TRHDE: variants seen among roughly 807,000 people sequenced by gnomAD.
The protein encoded by TRHDE is thyrotropin-releasing hormone-degrading ectoenzyme.
A neutral mutation model predicts 125.7 loss-of-function variants in TRHDE; 72 were observed. The ratio of observed to expected loss-of-function variants is 0.57; its 90% confidence interval spans 0.47 to 0.70. The LOEUF is 0.70. TRHDE is among the 30% of genes least tolerant of loss of function. TRHDE has a pLI of 0.00. For missense variants in TRHDE, 1,110 were observed against 1,327.1 expected, an observed-to-expected ratio of 0.84 and a Z score of 2.54; for synonymous variants, 509 against 509.1, an observed-to-expected ratio of 1.00 and a Z score of 0.00.
intron 2 of TRHDE, among the ~76,000 whole-genome samples, chr12:72,324,958 C>A (rs985184927): frequency 1.3e-5 from 2 of 152,028 alleles, no homozygotes; most frequent in African/African-American, 4.8e-5. Flanking sequence ...TGATCATAAT[C>A]CTAAATGTAC....
chr12:72,534,480 A>G (rs1325401652), intron 6 of TRHDE, among the ~76,000 whole-genome samples: 1 of 152,076 alleles, frequency 6.6e-6, no homozygotes, highest in African/African-American at 2.4e-5. Context: ...AGAATGCTCA[A>G]AGAATGTACG....
intron 15 of TRHDE, among the ~76,000 whole-genome samples, chr12:72,632,189 T>C (rs929147136): frequency 2.6e-5 from 4 of 151,986 alleles, no homozygotes; most frequent in Non-Finnish European, 5.9e-5. Flanking sequence ...TGTTTCATTC[T>C]TATAATTTAT....
intron 1 of TRHDE, among the ~76,000 whole-genome samples, chr12:72,282,813 A>C (rs931559948): frequency 2.0e-5 from 3 of 152,196 alleles, no homozygotes; most frequent in African/African-American, 7.2e-5. Flanking sequence ...TGAGTTCTTT[A>C]AGCTAATGGT....
intron 2 of TRHDE, among the ~76,000 whole-genome samples, chr12:72,130,485 T>C (rs886994960): frequency 1.3e-5 from 2 of 152,194 alleles, no homozygotes; most frequent in Non-Finnish European, 2.9e-5. Flanking sequence ...AAGGATTGAT[T>C]ATTTAGAATA....
At chr12:72,130,014 G>T (rs866957668) in intron 2 of TRHDE, among the ~76,000 whole-genome samples, 1 of 152,092 alleles carries the variant, frequency 6.6e-6, no homozygotes, top group Non-Finnish European at 1.5e-5. Flanking sequence ...TAAAGATTAC[G>T]TTTTAGACTG....
rs562886355 is a variant in TRHDE, at chr12:72,442,875, C to A, written c.1316-26883C>A. Among the ~76,000 whole-genome samples, 5 of 151,952 alleles carry A rather than the reference C, an allele frequency of 3.3e-5. No individual in the cohort carries two copies. In the South Asian group the frequency reaches 1.0e-3, roughly 31 times the overall value. ...TAACTATTTCTTAATTCTATCCACT[C>A]TTCCATAGTCCTGTTAACACTGAAC... is the stretch of plus-strand genomic sequence containing the variant. On this transcript the variant is annotated intron_variant, in intron 3 of 18. Transcript: ENST00000261180.
At chr12:72,107,118 A>G (rs1875206560) in intron 2 of TRHDE, among the ~76,000 whole-genome samples, 1 of 152,122 alleles carries the variant, frequency 6.6e-6, no homozygotes, top group Admixed American at 6.6e-5. Context: ...GTCTATTTTA[A>G]TTAATTCTGT....
chr12:72,670,604 G>A lies in TRHDE; in HGVS notation c.*7409G>A, dbSNP rs1875223418. ...ATATATTATAGAGGTCCATGCAAAT[G>A]GAAAAAAATTATTCTCTTCTGACAT... On this transcript the variant is annotated 3_prime_UTR_variant, in exon 19 of 19. Transcript: ENST00000261180. 6.6e-6 allele frequency: 1 copy of A among 151,140 alleles called. No individual in the cohort carries two copies. Among genetic ancestry groups the A allele is most frequent in the South Asian group, 2.1e-4 (1 of 4,798 alleles). 9.4% of individuals were successfully genotyped at this position (151,140 alleles called of 1,614,324 possible).
intron 1 of TRHDE, among the ~76,000 whole-genome samples, chr12:72,280,007 T>A (rs768198301): frequency 1.3e-5 from 2 of 152,244 alleles, no homozygotes; most frequent in African/African-American, 2.4e-5. Context: ...AGATTATTTT[T>A]AAAAATCTTA....
At chr12:72,625,958 C>T (rs1873242513) in intron 15 of TRHDE, among the ~76,000 whole-genome samples, 1 of 151,972 alleles carries the variant, frequency 6.6e-6, no homozygotes, top group Admixed American at 6.6e-5. Flanking sequence ...TTGCATGGTG[C>T]TATATGGCAG....
At chr12:72,613,407 C>A (rs753629448) in intron 12 of TRHDE, among the ~76,000 whole-genome samples, 4 of 152,052 alleles carry the variant, frequency 2.6e-5, no homozygotes, top group Admixed American at 6.6e-5. Context: ...TATTTTTTAA[C>A]CTTCAAAAAA....
chr12:72,133,929 A>G (rs2139309637), intron 2 of TRHDE, among the ~76,000 whole-genome samples: 1 of 152,306 alleles, frequency 6.6e-6, no homozygotes, highest in East Asian at 1.9e-4. Flanking sequence ...GATGTTGCTG[A>G]CTGCAAGGGG....
chr12:72,122,027 A>G (rs768711412), intron 2 of TRHDE, among the ~76,000 whole-genome samples: 1 of 151,918 alleles, frequency 6.6e-6, no homozygotes, highest in Non-Finnish European at 1.5e-5. Context: ...CTTTGTGGTA[A>G]AGGATATCTA....
chr12:72,190,649 C>T (rs1213979146), intron 2 of TRHDE, among the ~76,000 whole-genome samples: 2 of 152,104 alleles, frequency 1.3e-5, no homozygotes, highest in Non-Finnish European at 2.9e-5. Flanking sequence ...GAATATTTAC[C>T]AAATTTCCTC....
chr12:72,505,547 A>T, intron 6 of TRHDE, among the ~76,000 whole-genome samples: 1 of 152,130 alleles, frequency 6.6e-6, no homozygotes, highest in East Asian at 1.9e-4. Flanking sequence ...GTTCAAAATA[A>T]CTTCAATTTT....
chr12:72,429,712 A>T (rs1808356465), intron 3 of TRHDE, among the ~76,000 whole-genome samples: 1 of 152,096 alleles, frequency 6.6e-6, no homozygotes, highest in East Asian at 1.9e-4. Context: ...CTTTTCAATT[A>T]TAGCCTACTT....
At chr12:72,324,622 T>A (rs1395401647) in intron 2 of TRHDE, among the ~76,000 whole-genome samples, 1 of 152,126 alleles carries the variant, frequency 6.6e-6, no homozygotes, top group East Asian at 1.9e-4. Context: ...AGAACTGTGC[T>A]CCATTTGTGA....
chr12:72,619,029 C>T lies in TRHDE; in HGVS notation c.2460C>T (p.Asn820=), dbSNP rs1392091434. 7 of 1,552,212 alleles carry T rather than the reference C, an allele frequency of 4.5e-6. No homozygotes were observed. In the Admixed American group the frequency reaches 1.1e-4, roughly 23 times the overall value. Residue 820 remains asparagine, a synonymous_variant, in exon 13 of 19, where the codon AAC becomes AAT. Transcript: ENST00000261180. ...TACTGGACCGCATGGAAAACTACAA[C>T]ATTTTCAATGTAAAAAGATATAATT... The part of the protein sequence containing the change: ...DKLLDRMENY[N]IFNEYILKQV...
chr12:72,364,852 T>TG, intron 2 of TRHDE, among the ~76,000 whole-genome samples: 1 of 152,250 alleles, frequency 6.6e-6, no homozygotes, highest in South Asian at 2.1e-4. Flanking sequence ...TGTACCTGGC[T>TG]GTCAGTCTTG....
Sources: gnomAD v4.1 joint callset for allele counts (sites outside exome capture counted in the v4.1 genomes callset) on GRCh38, gnomAD v4.1.1 for gene constraint, MANE v1.5 for transcripts, NCBI Gene and HGNC (gene_info 2026-07-23, HGNC 2026-07-21) for gene names.